OR6N1: variants seen among roughly 807,000 people sequenced by gnomAD.
OR6N1 encodes the protein olfactory receptor family 6 subfamily N member 1.
For synonymous variants in OR6N1, 170 were observed against 150.7 expected (o/e 1.13, Z -0.94); for missense variants, 394 against 371.7 (o/e 1.06, Z -0.49).
the OR6N1 span, among the ~76,000 whole-genome samples, chr1:158,820,514 C>T: frequency 1.3e-5 from 2 of 152,142 alleles, no homozygotes; most frequent in Non-Finnish European, 2.9e-5. Context: ...ATAGTAGGTG[C>T]GTAAGAAATA....
intron 1 of OR6N1, among the ~76,000 whole-genome samples, chr1:158,769,762 G>A (rs1657369109): frequency 6.6e-6 from 1 of 152,158 alleles, no homozygotes; most frequent in Admixed American, 6.5e-5. Flanking sequence ...AATATAGGAT[G>A]TTTCTCTACT....
At chr1:158,794,850 G>A in the OR6N1 span, among the ~76,000 whole-genome samples, 6 of 152,286 alleles carry the variant, frequency 3.9e-5, no homozygotes, top group Admixed American at 2.6e-4. Context: ...GGTGGTACCC[G>A]TAAAAGAACA....
chr1:158,792,841 A>G, the OR6N1 span, among the ~76,000 whole-genome samples: 1 of 152,180 alleles, frequency 6.6e-6, no homozygotes, highest in Admixed American at 6.5e-5. Context: ...AAGGCCAGGG[A>G]AGTTTTCCTC....
chr1:158,785,257 C>G, the OR6N1 span, among the ~76,000 whole-genome samples: 1 of 152,086 alleles, frequency 6.6e-6, no homozygotes, highest in Non-Finnish European at 1.5e-5. Flanking sequence ...TAGAGTTCAT[C>G]TTGTGAAATT....
At chr1:158,837,262 A>T in the OR6N1 span, among the ~76,000 whole-genome samples, 16 of 151,642 alleles carry the variant, frequency 1.1e-4, no homozygotes, top group African/African-American at 3.6e-4. Context: ...TTTTTTCCAA[A>T]TTTTCTTCTG....
chr1:158,764,757 T>A lies in OR6N1; in HGVS notation c.*987A>T, dbSNP rs749528512. ...AGGAAATAATTAGCTTACAATTCAA[T>A]AAAGAAATGGTTCGATGTAAAAAGT... On this transcript the variant is annotated 3_prime_UTR_variant, in exon 2 of 2. Coordinates refer to ENST00000641846, the MANE Select transcript of OR6N1 (RefSeq NM_001005185.2). The A allele has an allele frequency of 3.9e-5, 6 of 152,102 alleles. No homozygotes were observed. Among genetic ancestry groups the A allele is most frequent in the Non-Finnish European group, 5.9e-5 (4 of 67,982 alleles). 9.4% of individuals were successfully genotyped at this position (152,102 alleles called of 1,614,324 possible).
At chr1:158,833,941 A>T in the OR6N1 span, among the ~76,000 whole-genome samples, 1 of 152,116 alleles carries the variant, frequency 6.6e-6, no homozygotes, top group East Asian at 1.9e-4. Context: ...TTTTCATAGC[A>T]TCTGAACCAT....
At chr1:158,837,748 C>T in the OR6N1 span, among the ~76,000 whole-genome samples, 1 of 151,756 alleles carries the variant, frequency 6.6e-6, no homozygotes, top group South Asian at 2.1e-4. Context: ...GAACTTAGAA[C>T]TTATTGTTGC....
At chr1:158,820,923 A>G in the OR6N1 span, among the ~76,000 whole-genome samples, 1 of 152,226 alleles carries the variant, frequency 6.6e-6, no homozygotes, top group African/African-American at 2.4e-5. Flanking sequence ...GGGAAGAATC[A>G]GGGGATATGA....
the OR6N1 span, among the ~76,000 whole-genome samples, chr1:158,793,692 G>T: frequency 2.6e-5 from 4 of 152,152 alleles, no homozygotes; most frequent in African/African-American, 9.7e-5. Context: ...TTCCTCAGTG[G>T]TGTGCACTTT....
the OR6N1 span, among the ~76,000 whole-genome samples, chr1:158,802,198 ACTTTT>A: frequency 8.4e-6 from 1 of 119,444 alleles, no homozygotes; most frequent in African/African-American, 3.4e-5. Context: ...CCCTCATAGC[ACTTTT>A]TTTTTTTTTT....
At chr1:158,778,873 C>A in the OR6N1 span, among the ~76,000 whole-genome samples, 374 of 151,888 alleles carry the variant, frequency 2.5e-3, 1 homozygote, top group African/African-American at 8.6e-3. Context: ...AAAAAATCAG[C>A]CGGGCGTGGT....
At chr1:158,828,785 G>A in the OR6N1 span, among the ~76,000 whole-genome samples, 2 of 152,208 alleles carry the variant, frequency 1.3e-5, no homozygotes, top group African/African-American at 4.8e-5. Context: ...CCCTAGCAGA[G>A]GTTCTCCATT....
the OR6N1 span, among the ~76,000 whole-genome samples, chr1:158,781,604 C>T: frequency 6.6e-6 from 1 of 152,186 alleles, no homozygotes; most frequent in African/African-American, 2.4e-5. Flanking sequence ...GACTCACCTC[C>T]GAAATCCGAA....
the OR6N1 span, among the ~76,000 whole-genome samples, chr1:158,817,623 C>T: frequency 6.6e-6 from 1 of 152,228 alleles, no homozygotes; most frequent in East Asian, 1.9e-4. Context: ...TAGTGCTGTA[C>T]AGCAATTGTT....
At chr1:158,771,156 T>A (rs6427449) in intron 1 of OR6N1, among the ~76,000 whole-genome samples, 40,441 of 152,120 alleles carry the variant, frequency 0.27, 5,650 homozygotes, top group East Asian at 0.36. Context: ...GTCTGTCATT[T>A]TTTTCCCTGA....
the OR6N1 span, among the ~76,000 whole-genome samples, chr1:158,789,361 G>A: frequency 1.3e-5 from 2 of 152,160 alleles, no homozygotes; most frequent in Non-Finnish European, 2.9e-5. Flanking sequence ...ATACACAGTA[G>A]TGGGATTGCT....
At chr1:158,773,837 G>T (rs1216462396), upstream of OR6N1, among the ~76,000 whole-genome samples, 2 of 152,152 alleles carry the variant, frequency 1.3e-5, no homozygotes. Flanking sequence ...GTGTGTTTTT[G>T]TGTGTGTATA....
the OR6N1 span, among the ~76,000 whole-genome samples, chr1:158,821,814 G>A: frequency 3.3e-5 from 5 of 152,220 alleles, no homozygotes; most frequent in South Asian, 2.1e-4. Flanking sequence ...AACAAGTACT[G>A]GAATGTATGA....
Sources: allele counts gnomAD v4.1 joint callset (sites outside exome capture counted in the v4.1 genomes callset), GRCh38; gene constraint gnomAD v4.1.1; transcripts MANE v1.5; gene names NCBI Gene and HGNC (gene_info 2026-07-23, HGNC 2026-07-21).